LINGO1: variants seen among roughly 807,000 people sequenced by gnomAD.
The protein encoded by LINGO1 is leucine rich repeat and Ig domain containing 1, also known as leucine-rich repeat and immunoglobulin-like domain-containing nogo receptor-interacting protein 1.
LINGO1 carries 11 observed loss-of-function variants against 37.3 expected under a neutral mutation model. That is an observed-to-expected ratio of 0.29 (90% confidence interval 0.19 to 0.49). The LOEUF is 0.49. Among genes scored for constraint, LINGO1 ranks in the 20% least tolerant of loss-of-function variants. The pLI, the probability that LINGO1 is intolerant of heterozygous loss-of-function variation, is 0.99. For synonymous variants in LINGO1, 387 were observed against 403.0 expected, an observed-to-expected ratio of 0.96 and a Z score of 0.48; for missense variants, 585 against 878.2, an observed-to-expected ratio of 0.67 and a Z score of 4.22.
Position 77,614,977 on chromosome 15 carries a change from C to G in LINGO1, c.930G>C (p.Leu310=), listed in dbSNP as rs764660666. The part of the protein sequence containing the change: ...STIEGSMLHE[L]LRLQEIQLVG... ...CCAGCTGGATCTCCTGCAGCCGGAG[C>G]AGCTCATGCAACATGGAGCCCTCAA... is the stretch of plus-strand genomic sequence containing the variant. Residue 310 remains leucine (L), a synonymous_variant, in exon 2 of 2, where the codon CTG becomes CTC. Transcript: ENST00000355300. 6.2e-7 allele frequency: 1 copy of G among 1,613,966 alleles called. No individual in the cohort carries two copies. Among genetic ancestry groups the G allele is most frequent in the Non-Finnish European group, 8.5e-7 (1 of 1,179,876 alleles).
At chr15:77,651,674 T>C (rs190611588) in intron 3 of LINGO1, 1 of 152,300 alleles carries the variant, frequency 6.6e-6, no homozygotes, top group East Asian at 1.9e-4. Context: ...GTCCTTGAAA[T>C]CACACTTTCC....
chr15:77,641,770 G>C lies in LINGO1; in HGVS notation c.-12-25870C>G, dbSNP rs1346656195. 1.1e-5 allele frequency: 5 copies of C among 438,028 alleles called. No homozygotes were observed. In the East Asian group the frequency reaches 3.5e-4, roughly 31 times the overall value. The allele number at this position is 438,028 out of a possible 1,614,324, so 27.1% of individuals were successfully genotyped here. ...CCCAGAGACACAGAGAGCCAGAAAC[G>C]GGGCTGTGGCTGTCCCAGCACTGTG... On this transcript the variant is annotated intron_variant, in intron 3 of 3. Coordinates refer to the LINGO1 transcript ENST00000559893.
chr15:77,802,363 G>A (rs2076926757), intron 1 of LINGO1, among the ~76,000 whole-genome samples: 1 of 152,084 alleles, frequency 6.6e-6, no homozygotes, highest in Non-Finnish European at 1.5e-5. Context: ...GCAGATCCAC[G>A]TATATGTGTG....
chr15:77,638,905 A>G (rs1002699656), upstream of LINGO1, among the ~76,000 whole-genome samples: 1 of 152,150 alleles, frequency 6.6e-6, no homozygotes, highest in Non-Finnish European at 1.5e-5. Context: ...AGTGAACAGA[A>G]TACGGCAGAA....
intron 1 of LINGO1, among the ~76,000 whole-genome samples, chr15:77,694,675 G>A (rs1230385805): frequency 1.3e-5 from 2 of 152,208 alleles, no homozygotes; most frequent in Admixed American, 6.5e-5. Flanking sequence ...ACCCCTGGTG[G>A]TTTTGCCACA....
chr15:77,742,997 G>A (rs923553488), intron 1 of LINGO1, among the ~76,000 whole-genome samples: 3 of 152,232 alleles, frequency 2.0e-5, no homozygotes, highest in Admixed American at 1.3e-4. Flanking sequence ...GGTGGTGCAC[G>A]GGTGCACAGG....
intron 1 of LINGO1, among the ~76,000 whole-genome samples, chr15:77,691,153 G>C (rs2075596525): frequency 6.6e-6 from 1 of 152,198 alleles, no homozygotes; most frequent in African/African-American, 2.4e-5. Context: ...TAAAAAAACT[G>C]ATTTTTAATC....
intron 2 of LINGO1, among the ~76,000 whole-genome samples, chr15:77,701,617 G>A (rs1237473825): frequency 1.3e-5 from 2 of 152,136 alleles, no homozygotes; most frequent in African/African-American, 2.4e-5. Context: ...ATGGCTTGGT[G>A]CCCTTCTCGC....
intron 1 of LINGO1, among the ~76,000 whole-genome samples, chr15:77,751,020 G>C (rs555980745): frequency 1.3e-5 from 2 of 152,154 alleles, no homozygotes; most frequent in African/African-American, 4.8e-5. Flanking sequence ...AGCGTGGAGG[G>C]TATTCCGCGG....
intron 2 of LINGO1, among the ~76,000 whole-genome samples, chr15:77,683,563 C>T (rs2075452521): frequency 6.6e-6 from 1 of 152,196 alleles, no homozygotes; most frequent in Non-Finnish European, 1.5e-5. Context: ...GGTGCCATGA[C>T]ATTGACTGAT....
At chr15:77,733,849 C>T (rs1364644495) in intron 2 of LINGO1, among the ~76,000 whole-genome samples, 1 of 152,154 alleles carries the variant, frequency 6.6e-6, no homozygotes, top group African/African-American at 2.4e-5. Flanking sequence ...GTCTGAGCTG[C>T]CGAGGGCTGC....
chr15:77,761,444 G>A (rs1192754330), intron 1 of LINGO1, among the ~76,000 whole-genome samples: 1 of 152,170 alleles, frequency 6.6e-6, no homozygotes, highest in Non-Finnish European at 1.5e-5. Flanking sequence ...GTTGGGACAG[G>A]CATTCTTTAT....
intron 1 of LINGO1, among the ~76,000 whole-genome samples, chr15:77,753,170 C>T (rs550442589): frequency 2.2e-4 from 34 of 152,332 alleles, no homozygotes; most frequent in Admixed American, 6.5e-4. Flanking sequence ...CCTCCATCAC[C>T]GAACCTGGTA....
intron 2 of LINGO1, among the ~76,000 whole-genome samples, chr15:77,722,770 A>T (rs1258051639): frequency 6.6e-6 from 1 of 152,186 alleles, no homozygotes; most frequent in Non-Finnish European, 1.5e-5. Flanking sequence ...TGTAGAGGAA[A>T]GAGGGCTGGT....
In LINGO1 at chr15:77,707,560, A is replaced by AT. The variant is rs528857510; in HGVS notation, c.-194-16660_-194-16659insA. 6 of 152,398 alleles carry AT rather than the reference A, an allele frequency of 3.9e-5. No individual in the cohort carries two copies. In the East Asian group the frequency reaches 1.2e-3, roughly 29 times the overall value. 9.4% of individuals were successfully genotyped at this position (152,398 alleles called of 1,614,324 possible). ...TAGCCAGACATCAAGAAAATCCCCT[A>AT]AACAGGTCAGGGAAAAACCCTGGTC... On this transcript the variant is annotated intron_variant, in intron 2 of 3. Transcript: ENST00000561686.
At chr15:77,648,943 C>T (rs2074697881) in intron 3 of LINGO1, 1 of 152,338 alleles carries the variant, frequency 6.6e-6, no homozygotes, top group Non-Finnish European at 1.5e-5. Flanking sequence ...AGCCACACAC[C>T]CCAGTGGCCT....
intron 3 of LINGO1, among the ~76,000 whole-genome samples, chr15:77,665,486 C>T (rs2141186010): frequency 6.6e-6 from 1 of 152,330 alleles, no homozygotes; most frequent in South Asian, 2.1e-4. Flanking sequence ...ATTGGAGGGG[C>T]TGCTTTGAGG....
intron 2 of LINGO1, among the ~76,000 whole-genome samples, chr15:77,678,928 T>C (rs1241603625): frequency 6.6e-6 from 1 of 152,066 alleles, no homozygotes; most frequent in Non-Finnish European, 1.5e-5. Context: ...TAAGATGGAG[T>C]CTTGCTCTGT....
At chr15:77,665,175 G>T (rs1289527279) in intron 3 of LINGO1, among the ~76,000 whole-genome samples, 3 of 152,156 alleles carry the variant, frequency 2.0e-5, no homozygotes, top group Non-Finnish European at 2.9e-5. Flanking sequence ...TCCTCGAAAA[G>T]CTTCCAGAGG....
Sources: gnomAD v4.1 joint callset for allele counts (sites outside exome capture counted in the v4.1 genomes callset) on GRCh38, gnomAD v4.1.1 for gene constraint, MANE v1.5 for transcripts, NCBI Gene and HGNC (gene_info 2026-07-23, HGNC 2026-07-21) for gene names.